The following TMPRSS9 variants were observed in gnomAD, a reference collection of about 807,000 sequenced individuals.
TMPRSS9 encodes the protein transmembrane serine protease 9.
TMPRSS9 carries 113 observed loss-of-function variants against 111.4 expected under a neutral mutation model. The observed-to-expected ratio is 1.01, with a 90% CI of 0.87 to 1.19. The LOEUF is 1.19. Ranked by LOEUF, TMPRSS9 falls within the 50% of genes most tolerant of loss-of-function variation. The probability of loss-of-function intolerance (pLI) is 0.00; values close to 1 mark genes in which losing one functional copy is unlikely to be tolerated. For missense variants in TMPRSS9, 1,803 were observed against 1,513.1 expected (o/e 1.19, Z -3.18); for synonymous variants, 805 against 659.1 (o/e 1.22, Z -3.39).
intron 1 of TMPRSS9, 134 bp from the exon 3 acceptor site, chr19:2,396,405 C>T (rs574435939): frequency 4.6e-5 from 50 of 1,088,440 alleles, no homozygotes; most frequent in Admixed American, 2.4e-4. Context: ...ACGGGGGCGT[C>T]GACCACCCCA....
rs150883314 is a variant in TMPRSS9, at chr19:2,398,490, C to A, written c.271-305C>A. Among the ~76,000 whole-genome samples the A allele has an allele frequency of 3.2e-3, 471 of 146,390 alleles. 1 individual carries two copies. The highest frequency in any genetic ancestry group is 0.012 in the African/African-American group (457 of 39,292). ...AAAATTAGTTGGGCATGGTGGCGGGCACCTGTAATCCCAGCTTCTTGGGAG... is the reference window on the plus strand; with the variant it reads ...AAAATTAGTTGGGCATGGTGGCGGGAACCTGTAATCCCAGCTTCTTGGGAG... On this transcript the variant is annotated intron_variant, in intron 2 of 17. Transcript: ENST00000648592.
chr19:2,415,681 A>G (rs753092102), exon 11 of TMPRSS9: 1 of 1,596,938 alleles, frequency 6.3e-7, no homozygotes, highest in Non-Finnish European at 8.5e-7. Context: ...ATGTGGGGCC[A>G]GGCCTGCAAT....
chr19:2,413,849 C>T (rs145595291), exon 10 of TMPRSS9: 2 of 1,613,738 alleles, frequency 1.2e-6, no homozygotes, highest in South Asian at 1.1e-5. Flanking sequence ...TCCTGGAGGC[C>T]ACCACCAAAG....
At chr19:2,424,206 C>A in exon 15 of TMPRSS9, 5 of 1,451,454 alleles carry the variant, frequency 3.4e-6, no homozygotes, top group Non-Finnish European at 3.6e-6. Flanking sequence ...CGTTGCGGGG[C>A]CGTGCTGGTG....
intron 9 of TMPRSS9, among the ~76,000 whole-genome samples, chr19:2,411,362 T>C (rs1971092474): frequency 6.9e-6 from 1 of 144,860 alleles, no homozygotes; most frequent in African/African-American, 2.5e-5. Flanking sequence ...CCAAAGCTGC[T>C]TCTGCTGTAT....
chr19:2,387,607 C>T (rs1332184459), upstream of TMPRSS9, among the ~76,000 whole-genome samples: 1 of 151,518 alleles, frequency 6.6e-6, no homozygotes, highest in East Asian at 1.9e-4. Context: ...ATGAGCATGG[C>T]GTGGTGACGT....
intron 13 of TMPRSS9, among the ~76,000 whole-genome samples, chr19:2,420,991 G>A (rs1379757246): frequency 1.3e-5 from 2 of 152,094 alleles, no homozygotes; most frequent in Admixed American, 6.6e-5. Context: ...GATCATCTGA[G>A]GTCAGGAGTT....
chr19:2,420,931 C>T (rs58509666), intron 13 of TMPRSS9, among the ~76,000 whole-genome samples: 33,433 of 151,918 alleles, frequency 0.22, 3,969 homozygotes, highest in African/African-American at 0.3. Context: ...GAGGCCAGGC[C>T]AGGTGGCTCA....
At chr19:2,424,375 G>T (rs1971545867) in intron 15 of TMPRSS9, 118 bp downstream of exon 16, 2 of 1,053,396 alleles carry the variant, frequency 1.9e-6, no homozygotes, top group South Asian at 4.1e-5. Flanking sequence ...CCCCAACCCC[G>T]GCTCCCACTG....
At chr19:2,396,045 A>C (rs550826051) in intron 1 of TMPRSS9, 1 of 152,788 alleles carries the variant, frequency 6.5e-6, no homozygotes, top group African/African-American at 2.4e-5. Flanking sequence ...GTTTTTGAAG[A>C]TGACCTCATG....
At chr19:2,378,935 A>C (rs977953501) in intron 1 of TMPRSS9, among the ~76,000 whole-genome samples, 6 of 152,100 alleles carry the variant, frequency 3.9e-5, no homozygotes, top group Non-Finnish European at 8.8e-5. Context: ...AGAACTCACT[A>C]TTATGAGAAC....
exon 3 of TMPRSS9, chr19:2,398,817 CAGAGTT>C (rs747651437): frequency 2.1e-4 from 310 of 1,488,382 alleles, no homozygotes; most frequent in Non-Finnish European, 2.3e-4. Flanking sequence ...TTTCAGAAGA[CAGAGTT>C]AGAGGCAAGC....
At chr19:2,413,933 G>A (rs538992033) in exon 10 of TMPRSS9, 1 of 1,612,414 alleles carries the variant, frequency 6.2e-7, no homozygotes, top group Non-Finnish European at 8.5e-7. Context: ...CCAGTCCTGA[G>A]AGCCCTGTGG....
At chr19:2,415,707 G>T (rs1227864428) in exon 11 of TMPRSS9, 17 of 1,607,862 alleles carry the variant, frequency 1.1e-5, no homozygotes, top group Non-Finnish European at 1.4e-5. Context: ...AGCCCACCCG[G>T]GTCGTGGGCG....
At chr19:2,409,009 A>AATAATAATAAT (rs1971036414) in intron 8 of TMPRSS9, among the ~76,000 whole-genome samples, 1 of 138,382 alleles carries the variant, frequency 7.2e-6, no homozygotes, top group Non-Finnish European at 1.5e-5. Flanking sequence ...TAATAATAAT[A>AATAATAATAAT]ATAATAATAA....
At chr19:2,385,493 A>C (rs1970460374), upstream of TMPRSS9, among the ~76,000 whole-genome samples, 2 of 152,044 alleles carry the variant, frequency 1.3e-5, no homozygotes. Flanking sequence ...CATGCTTGTA[A>C]ATCCTTTTAC....
exon 17 of TMPRSS9, chr19:2,425,461 G>T: frequency 6.3e-7 from 1 of 1,591,860 alleles, no homozygotes; most frequent in Non-Finnish European, 8.5e-7. Context: ...GCTGTGTGCC[G>T]GCTTCCCGCA....
Position 2,422,264 on chromosome 19 carries a change from A to C in TMPRSS9, c.2548+17A>C. On this transcript the variant is annotated intron_variant, in intron 14 of 17. Transcript: ENST00000648592. ...AGCTACCAGGTACCGGGAGAGACGG[A>C]GGGATCCCTGGGAGTGGAGGGTCCC... 6.7e-7 allele frequency: 1 copy of C among 1,495,996 alleles called. No individual in the cohort carries two copies. The highest frequency in any genetic ancestry group is 8.9e-7 in the Non-Finnish European group (1 of 1,128,266). 92.7% of individuals were successfully genotyped at this position (1,495,996 alleles called of 1,614,324 possible).
intron 4 of TMPRSS9, 110 bp downstream of exon 5, chr19:2,399,303 GC>G (rs1384116761): frequency 9.4e-6 from 13 of 1,382,620 alleles, no homozygotes; most frequent in African/African-American, 2.9e-5. Flanking sequence ...AAACAAACTG[GC>G]CGGGTGTGGT....
Sources: gnomAD v4.1 joint callset for allele counts (sites outside exome capture counted in the v4.1 genomes callset) on GRCh38, gnomAD v4.1.1 for gene constraint, MANE v1.5 for transcripts, NCBI Gene and HGNC (gene_info 2026-07-23, HGNC 2026-07-21) for gene names.